CRPPA: variants seen among roughly 807,000 people sequenced by gnomAD.
The protein encoded by CRPPA is D-ribitol-5-phosphate cytidylyltransferase.
A neutral mutation model predicts 52.0 loss-of-function variants in CRPPA; 43 were observed. The observed-to-expected ratio is 0.83, with a 90% CI of 0.65 to 1.07. The LOEUF (loss-of-function observed/expected upper bound fraction) is 1.07. Among genes scored for constraint, CRPPA ranks in the 50% least tolerant of loss-of-function variants. CRPPA has a pLI of 0.00. For synonymous variants in CRPPA, 250 were observed against 203.5 expected (o/e 1.23, Z -1.94); for missense variants, 629 against 551.7 (o/e 1.14, Z -1.40).
At chr7:16,383,755 C>T (rs199864364) in intron 2 of CRPPA, among the ~76,000 whole-genome samples, 3 of 150,394 alleles carry the variant, frequency 2.0e-5, no homozygotes, top group Non-Finnish European at 3.0e-5. Context: ...CAGACTGCTG[C>T]GCTAGCAATC....
chr7:16,359,622 T>C (rs1157297422), intron 3 of CRPPA, among the ~76,000 whole-genome samples: 3 of 152,212 alleles, frequency 2.0e-5, no homozygotes, highest in South Asian at 4.1e-4. Context: ...GATTACGATA[T>C]GCCTTTCAGT....
intron 8 of CRPPA, among the ~76,000 whole-genome samples, chr7:16,226,625 G>T (rs1020337679): frequency 1.3e-5 from 2 of 151,938 alleles, no homozygotes; most frequent in South Asian, 4.2e-4. Flanking sequence ...TATATTTCAA[G>T]AGGTCATAGC....
intron 9 of CRPPA, among the ~76,000 whole-genome samples, chr7:16,135,522 A>ATTC (rs1292003437): frequency 6.6e-6 from 1 of 152,190 alleles, no homozygotes; most frequent in Non-Finnish European, 1.5e-5. Flanking sequence ...CTTGTTATGA[A>ATTC]CACTTAAAGA....
chr7:16,155,218 G>C (rs976841011), intron 9 of CRPPA, among the ~76,000 whole-genome samples: 1 of 152,048 alleles, frequency 6.6e-6, no homozygotes, highest in African/African-American at 2.4e-5. Flanking sequence ...CCAGCTATCA[G>C]TGTCATAAAT....
At chr7:16,409,829 A>G (rs1196093673) in intron 1 of CRPPA, among the ~76,000 whole-genome samples, 1 of 152,216 alleles carries the variant, frequency 6.6e-6, no homozygotes, top group Non-Finnish European at 1.5e-5. Flanking sequence ...AGATAATACA[A>G]CATTTCATTT....
chr7:16,297,981 T>C (rs1384468609), intron 5 of CRPPA, among the ~76,000 whole-genome samples: 1 of 152,228 alleles, frequency 6.6e-6, no homozygotes, highest in Non-Finnish European at 1.5e-5. Flanking sequence ...ATTAATACAC[T>C]AGGAAAATGC....
intron 2 of CRPPA, among the ~76,000 whole-genome samples, chr7:16,399,830 C>T (rs1787751945): frequency 6.6e-6 from 1 of 152,096 alleles, no homozygotes; most frequent in Admixed American, 6.5e-5. Flanking sequence ...ACGTGATCAG[C>T]ACGTGTGGCA....
chr7:16,120,960 C>T (rs1040522775), intron 9 of CRPPA, among the ~76,000 whole-genome samples: 1 of 151,862 alleles, frequency 6.6e-6, no homozygotes. Flanking sequence ...TACACAAAGA[C>T]AAGCCAATAT....
intron 2 of CRPPA, among the ~76,000 whole-genome samples, chr7:16,400,655 C>G (rs1787790963): frequency 6.6e-6 from 1 of 152,180 alleles, no homozygotes; most frequent in Non-Finnish European, 1.5e-5. Context: ...ACGTGACTGA[C>G]ACGTGTCCAT....
intron 9 of CRPPA, among the ~76,000 whole-genome samples, chr7:16,184,086 C>G (rs904944153): frequency 6.6e-6 from 1 of 151,840 alleles, no homozygotes; most frequent in Non-Finnish European, 1.5e-5. Context: ...GGACTACAGG[C>G]GCACACCACC....
intron 5 of CRPPA, among the ~76,000 whole-genome samples, chr7:16,289,530 C>T (rs1216228662): frequency 2.6e-5 from 4 of 152,136 alleles, no homozygotes; most frequent in East Asian, 3.9e-4. Context: ...TCAACATATG[C>T]AAATCCATAA....
intron 9 of CRPPA, among the ~76,000 whole-genome samples, chr7:16,158,351 A>C (rs917381773): frequency 6.6e-6 from 1 of 152,144 alleles, no homozygotes; most frequent in African/African-American, 2.4e-5. Flanking sequence ...AGGAAGTAGG[A>C]ACCCCGATTC....
At chr7:16,378,085 T>C (rs985820856) in intron 2 of CRPPA, among the ~76,000 whole-genome samples, 5 of 151,574 alleles carry the variant, frequency 3.3e-5, no homozygotes, top group African/African-American at 9.8e-5. Flanking sequence ...GATGTGGTGA[T>C]TTTTCCTTTT....
intron 9 of CRPPA, among the ~76,000 whole-genome samples, chr7:16,162,968 TTTCTC>T (rs1780941121): frequency 7.0e-6 from 1 of 143,376 alleles, no homozygotes; most frequent in Admixed American, 7.5e-5. Context: ...TTTCTTTTTC[TTTCTC>T]TTTTTTTTTT....
At chr7:16,238,632 A>C (rs1783015225) in intron 8 of CRPPA, among the ~76,000 whole-genome samples, 1 of 152,210 alleles carries the variant, frequency 6.6e-6, no homozygotes, top group Non-Finnish European at 1.5e-5. Flanking sequence ...AGAAAACATC[A>C]AAATAACCTA....
At chr7:16,134,042 C>T (rs1782722095) in intron 9 of CRPPA, among the ~76,000 whole-genome samples, 1 of 124,042 alleles carries the variant, frequency 8.1e-6, no homozygotes, top group Non-Finnish European at 1.8e-5. Context: ...CGCCATTCTC[C>T]TGCCTCAGCC....
At chr7:16,343,949 G>A (rs1005220375) in intron 3 of CRPPA, among the ~76,000 whole-genome samples, 3 of 152,124 alleles carry the variant, frequency 2.0e-5, no homozygotes, top group Admixed American at 6.5e-5. Flanking sequence ...TATTAGTTCC[G>A]GTTATTAAAG....
chr7:16,395,262 T>C (rs558615206), intron 2 of CRPPA, among the ~76,000 whole-genome samples: 23 of 152,272 alleles, frequency 1.5e-4, no homozygotes, highest in African/African-American at 5.5e-4. Context: ...TTGATACAAA[T>C]CATAAAATGT....
chr7:16,240,685 G>A (rs1783080816), intron 8 of CRPPA, among the ~76,000 whole-genome samples: 1 of 152,084 alleles, frequency 6.6e-6, no homozygotes, highest in South Asian at 2.1e-4. Flanking sequence ...TATGGATGCA[G>A]TGAGAACTAA....
Sources: gnomAD v4.1 joint callset for allele counts (sites outside exome capture counted in the v4.1 genomes callset) on GRCh38, gnomAD v4.1.1 for gene constraint, MANE v1.5 for transcripts, NCBI Gene and HGNC (gene_info 2026-07-23, HGNC 2026-07-21) for gene names.